KCNMA1: variants seen among roughly 807,000 people sequenced by gnomAD.
KCNMA1 encodes potassium calcium-activated channel subfamily M alpha 1, also known as Calcium-activated potassium channel subunit alpha-1.
A neutral mutation model predicts 140.0 loss-of-function variants in KCNMA1; 29 were observed. That is an observed-to-expected ratio of 0.21 (90% confidence interval 0.15 to 0.28). The LOEUF is 0.28. KCNMA1 is among the 10% of genes least tolerant of loss of function. The pLI is 1.00. For missense variants in KCNMA1, 880 were observed against 1,602.2 expected (o/e 0.55, Z 7.70); for synonymous variants, 612 against 611.9 (o/e 1.00, Z 0.00).
chr10:77,509,107 G>GTTA (rs1219737114), intron 1 of KCNMA1, among the ~76,000 whole-genome samples: 1 of 113,346 alleles, frequency 8.8e-6, no homozygotes, highest in Admixed American at 9.6e-5. Flanking sequence ...GGGTTTTGTT[G>GTTA]TTGTTGTTGT....
intron 25 of KCNMA1, among the ~76,000 whole-genome samples, 170 bp from the exon 26 acceptor site, chr10:76,891,889 C>T (rs556055418): frequency 1.1e-4 from 16 of 152,200 alleles, no homozygotes; most frequent in South Asian, 1.0e-3. Context: ...CCAATTATTC[C>T]GTTATTTTCT....
chr10:77,514,319 G>A (rs78465126), intron 1 of KCNMA1, among the ~76,000 whole-genome samples: 3,955 of 152,322 alleles, frequency 0.026, 99 homozygotes, highest in African/African-American at 0.066. Flanking sequence ...TGGCAAGGGG[G>A]AAGCGAATCA....
At chr10:77,440,981 G>C (rs1055554176) in intron 1 of KCNMA1, among the ~76,000 whole-genome samples, 1 of 148,302 alleles carries the variant, frequency 6.7e-6, no homozygotes, top group African/African-American at 2.6e-5. Context: ...ACCATGCCTG[G>C]CTAATTTTTT....
intron 1 of KCNMA1, among the ~76,000 whole-genome samples, chr10:77,626,865 T>A (rs564468608): frequency 1.3e-5 from 2 of 152,342 alleles, no homozygotes; most frequent in South Asian, 4.1e-4. Context: ...CATGATTTAT[T>A]CATTAAGACA....
intron 2 of KCNMA1, among the ~76,000 whole-genome samples, chr10:77,381,274 A>T (rs1316119003): frequency 1.3e-5 from 2 of 152,214 alleles, no homozygotes; most frequent in African/African-American, 4.8e-5. Context: ...TAAAATAAAT[A>T]AAGTATATAT....
At chr10:77,610,046 C>G (rs966453907) in intron 1 of KCNMA1, among the ~76,000 whole-genome samples, 8 of 152,214 alleles carry the variant, frequency 5.3e-5, no homozygotes, top group African/African-American at 1.9e-4. Flanking sequence ...TCACCCTGTT[C>G]CCACCCTGCA....
intron 1 of KCNMA1, among the ~76,000 whole-genome samples, chr10:77,480,087 G>C (rs894356313): frequency 6.6e-6 from 1 of 152,180 alleles, no homozygotes; most frequent in East Asian, 1.9e-4. Context: ...AGCTGGATGC[G>C]CCTCCCTCCG....
At chr10:77,401,683 A>G (rs968486218) in intron 2 of KCNMA1, among the ~76,000 whole-genome samples, 1 of 152,274 alleles carries the variant, frequency 6.6e-6, no homozygotes, top group East Asian at 1.9e-4. Flanking sequence ...CACAAATTCC[A>G]GCCCACCTAG....
At chr10:77,295,613 C>G (rs1232310736) in intron 2 of KCNMA1, among the ~76,000 whole-genome samples, 1 of 149,806 alleles carries the variant, frequency 6.7e-6, no homozygotes, top group Non-Finnish European at 1.5e-5. Context: ...AACCCCGTCT[C>G]TACTAAAAAT....
At chr10:77,362,646 C>T (rs1192462283) in intron 2 of KCNMA1, among the ~76,000 whole-genome samples, 1 of 152,080 alleles carries the variant, frequency 6.6e-6, no homozygotes, top group Admixed American at 6.5e-5. Flanking sequence ...GCCTCAGACC[C>T]CGCCGTCCAG....
intron 20 of KCNMA1, among the ~76,000 whole-genome samples, chr10:76,966,354 T>C (rs2073922478): frequency 6.6e-6 from 1 of 152,134 alleles, no homozygotes; most frequent in Admixed American, 6.5e-5. Flanking sequence ...TATGTGGAGG[T>C]GGCTCTGGAA....
chr10:77,470,672 G>A lies in KCNMA1; in HGVS notation c.379-66649C>T, dbSNP rs560032279. ...GACCATAATCCTGATCATACTGAACGAGTAATTTAATCATTTTTAAAGCCT... is the reference window on the plus strand; with the variant it reads ...GACCATAATCCTGATCATACTGAACAAGTAATTTAATCATTTTTAAAGCCT... On this transcript the variant is annotated intron_variant, in intron 1 of 27. Transcript: ENST00000286628. Among the ~76,000 whole-genome samples, 74 of 152,186 alleles carry A rather than the reference G, an allele frequency of 4.9e-4. 1 individual carries two copies. The highest frequency in any genetic ancestry group is 8.8e-4 in the Non-Finnish European group (60 of 68,020).
chr10:77,427,763 T>A (rs2097054980), intron 1 of KCNMA1, among the ~76,000 whole-genome samples: 1 of 151,614 alleles, frequency 6.6e-6, no homozygotes, highest in Admixed American at 6.6e-5. Flanking sequence ...ATTTATTTAT[T>A]TATTGAGATG....
intron 1 of KCNMA1, among the ~76,000 whole-genome samples, chr10:77,505,975 C>T (rs949415626): frequency 2.0e-5 from 3 of 152,058 alleles, no homozygotes; most frequent in South Asian, 2.1e-4. Context: ...AGTTGAGCCA[C>T]GAGGATTTGG....
chr10:77,396,023 A>G (rs7098832), intron 2 of KCNMA1, among the ~76,000 whole-genome samples: 3 of 152,342 alleles, frequency 2.0e-5, no homozygotes, highest in East Asian at 1.9e-4. Flanking sequence ...TGATTTCAGT[A>G]TCTATGCATG....
At chr10:77,169,528 C>A (rs1228407927) in intron 5 of KCNMA1, among the ~76,000 whole-genome samples, 5 of 151,882 alleles carry the variant, frequency 3.3e-5, no homozygotes, top group Non-Finnish European at 4.4e-5. Context: ...TAGCTGGGAC[C>A]ACAGGTATGT....
chr10:76,914,167 G>A (rs2051632584), intron 24 of KCNMA1: 2 of 1,468,320 alleles, frequency 1.4e-6, no homozygotes, highest in Non-Finnish European at 1.9e-6. Flanking sequence ...AAGGGTTGGG[G>A]AAAGGGAGTG....
intron 1 of KCNMA1, among the ~76,000 whole-genome samples, chr10:77,526,445 C>A (rs1055266612): frequency 5.3e-5 from 8 of 152,244 alleles, no homozygotes; most frequent in African/African-American, 1.9e-4. Flanking sequence ...CTCTACAACA[C>A]TATCTGGATG....
At chr10:77,277,242 C>T (rs985866999) in intron 2 of KCNMA1, among the ~76,000 whole-genome samples, 9 of 152,158 alleles carry the variant, frequency 5.9e-5, no homozygotes, top group Non-Finnish European at 1.2e-4. Context: ...TACCTCCAGG[C>T]CAAACTCTAA....
Sources: allele counts gnomAD v4.1 joint callset (sites outside exome capture counted in the v4.1 genomes callset), GRCh38; gene constraint gnomAD v4.1.1; transcripts MANE v1.5; gene names NCBI Gene and HGNC (gene_info 2026-07-23, HGNC 2026-07-21).